PCDHGB2: variants seen among roughly 807,000 people sequenced by gnomAD.
PCDHGB2 encodes the protein protocadherin gamma-B2.
In PCDHGB2, 55 loss-of-function variants were observed where a neutral mutation model predicts 59.3. The ratio of observed to expected loss-of-function variants is 0.93; its 90% confidence interval spans 0.75 to 1.16. PCDHGB2 has a LOEUF of 1.16. Ranked by LOEUF, PCDHGB2 falls within the 50% of genes most tolerant of loss-of-function variation. The probability of loss-of-function intolerance (pLI) is 0.00; values close to 1 mark genes in which losing one functional copy is unlikely to be tolerated. For missense variants in PCDHGB2, 1,228 were observed against 1,198.5 expected, an observed-to-expected ratio of 1.02 and a Z score of -0.36; for synonymous variants, 516 against 512.0, an observed-to-expected ratio of 1.01 and a Z score of -0.11.
intron 1 of PCDHGB2, among the ~76,000 whole-genome samples, chr5:141,387,032 T>C (rs993852019): frequency 6.6e-6 from 1 of 152,202 alleles, no homozygotes; most frequent in Admixed American, 6.5e-5. Context: ...TTGTATTTCA[T>C]AACCAGTAAA....
intron 1 of PCDHGB2, chr5:141,398,904 C>A (rs1487711986): frequency 3.1e-6 from 5 of 1,613,930 alleles, no homozygotes; most frequent in Non-Finnish European, 3.4e-6. Context: ...CACCAGGCAC[C>A]ACTGTGTTGC....
intron 2 of PCDHGB2, among the ~76,000 whole-genome samples, chr5:141,497,393 CT>C (rs1035907100): frequency 2.1e-4 from 32 of 152,254 alleles, no homozygotes; most frequent in African/African-American, 7.5e-4. Context: ...CACCTTACCC[CT>C]GCCTCAACTC....
At chr5:141,418,441 A>T in intron 1 of PCDHGB2, 2 of 1,614,000 alleles carry the variant, frequency 1.2e-6, no homozygotes, top group East Asian at 4.5e-5. Flanking sequence ...ATCCAGAATT[A>T]GTATTGCAGA....
At chr5:141,460,666 C>G (rs1245201344) in intron 1 of PCDHGB2, among the ~76,000 whole-genome samples, 1 of 151,670 alleles carries the variant, frequency 6.6e-6, no homozygotes, top group South Asian at 2.1e-4. Context: ...ACTGTAAACA[C>G]AGTTATATAT....
chr5:141,407,676 T>C (rs990367714), intron 1 of PCDHGB2, among the ~76,000 whole-genome samples: 1 of 152,162 alleles, frequency 6.6e-6, no homozygotes, highest in African/African-American at 2.4e-5. Flanking sequence ...TAAACAAAGA[T>C]TGGCTTTGTG....
rs1187424114 is a variant in PCDHGB2, at chr5:141,485,341, G to A, written c.2422-9466G>A. On this transcript the variant is annotated intron_variant, in intron 1 of 3. Transcript: ENST00000522605. The surrounding 1 kb of genome is among the most constrained non-coding windows in gnomAD (Gnocchi z 5.7). ...TCGCTCAAGATTTCCTGCTGGATAC[G>A]GACAGTCTGTCAGCTCGCAGGCTGC... 2 of 1,614,118 alleles carry A rather than the reference G, an allele frequency of 1.2e-6. No individual in the cohort carries two copies. The highest frequency in any genetic ancestry group is 1.7e-5 in the Admixed American group (1 of 60,018).
In PCDHGB2 at chr5:141,511,035, C is replaced by T. The variant is rs373005862; in HGVS notation, c.2658C>T (p.His886=). Residue 886 remains histidine (H), a synonymous_variant, in exon 4 of 4, where the codon CAC becomes CAT. Transcript: ENST00000522605. ...ACGGACCCCAGTTCACCCTGCAGCA[C>T]GTGCCCGACTACCGCCAGAATGTCT... ...ARYGPQFTLQ[H]VPDYRQNVYI... The T allele has an allele frequency of 1.7e-5, 27 of 1,614,208 alleles. No individual in the cohort carries two copies. The African/African-American group carries it at 2.9e-4, about 18-fold the overall frequency.
intron 1 of PCDHGB2, chr5:141,388,381 C>T (rs370363580): frequency 1.9e-6 from 3 of 1,613,888 alleles, no homozygotes; most frequent in African/African-American, 2.7e-5. Flanking sequence ...GGTAGCAACA[C>T]ACTGCAGAAT....
intron 1 of PCDHGB2, among the ~76,000 whole-genome samples, chr5:141,479,053 A>G (rs534968614): frequency 9.2e-5 from 14 of 152,334 alleles, no homozygotes; most frequent in African/African-American, 3.1e-4. Context: ...TCATTCTCAG[A>G]TAATTTTTTA....
chr5:141,366,257 G>A, intron 1 of PCDHGB2: 1 of 1,613,694 alleles, frequency 6.2e-7, no homozygotes, highest in Middle Eastern at 1.6e-4. Flanking sequence ...GCAGAGCCTC[G>A]TGGTGGCCGT....
chr5:141,421,487 C>G (rs1447180364), intron 1 of PCDHGB2: 2 of 1,614,094 alleles, frequency 1.2e-6, no homozygotes, highest in Non-Finnish European at 1.7e-6. Context: ...AGCTTGATCA[C>G]GGCAGGCAGG....
At chr5:141,475,322 G>A (rs1352768659) in intron 1 of PCDHGB2, among the ~76,000 whole-genome samples, 1 of 152,204 alleles carries the variant, frequency 6.6e-6, no homozygotes, top group African/African-American at 2.4e-5. Flanking sequence ...CTTAAGAAAT[G>A]AGAGCTAACA....
intron 1 of PCDHGB2, chr5:141,383,530 G>A: frequency 6.2e-7 from 1 of 1,612,674 alleles, no homozygotes; most frequent in Non-Finnish European, 8.5e-7. Flanking sequence ...TCACCACCTG[G>A]TCCTCACAGC....
Position 141,462,050 on chromosome 5 carries a change from C to T in PCDHGB2, c.2422-32757C>T, listed in dbSNP as rs146056741. On this transcript the variant is annotated intron_variant, in intron 1 of 3. Coordinates refer to ENST00000522605, the MANE Select transcript of PCDHGB2 (RefSeq NM_018923.3). ...GTTGGTCAGGCGGGTCTTGAACTCC[C>T]GACCTCAGGTGATCTGCCCGCCTTG... is the stretch of plus-strand genomic sequence containing the variant. 5.5e-3 allele frequency among the ~76,000 whole-genome samples: 830 copies of T among 151,978 alleles called. 23 individuals are homozygous for T. The East Asian group carries it at 0.095, about 17-fold the overall frequency.
At chr5:141,392,751 A>T in intron 1 of PCDHGB2, 1 of 1,453,336 alleles carries the variant, frequency 6.9e-7, no homozygotes, top group South Asian at 1.5e-5. Flanking sequence ...CTGCGGCAAG[A>T]AACTAAATAA....
Position 141,485,448 on chromosome 5 carries a change from G to A in PCDHGB2, c.2422-9359G>A. On this transcript the variant is annotated intron_variant, in intron 1 of 3. Coordinates refer to ENST00000522605, the MANE Select transcript of PCDHGB2 (RefSeq NM_018923.3). This position sits in a 1 kb window ranked among gnomAD's most constrained non-coding sequence, Gnocchi z 5.7. ...CTGCTCATCAAGAACCCAATCGACC[G>A]AGAGGCACTGTGTGGGCTCAGTGCC... is the stretch of plus-strand genomic sequence containing the variant. 1 of 1,614,154 alleles carries A rather than the reference G, an allele frequency of 6.2e-7. No homozygotes were observed.
intron 1 of PCDHGB2, chr5:141,419,183 A>G (rs1453963573): frequency 1.9e-6 from 3 of 1,613,958 alleles, no homozygotes; most frequent in Non-Finnish European, 1.7e-6. Context: ...AACCCTGCAC[A>G]TTACTGACGT....
At chr5:141,372,615 C>A (rs1244865693) in intron 1 of PCDHGB2, 1 of 1,613,850 alleles carries the variant, frequency 6.2e-7, no homozygotes, top group African/African-American at 1.3e-5. Context: ...TGGAGTTCTC[C>A]CCACCTACAG....
chr5:141,403,927 G>A, intron 1 of PCDHGB2: 3 of 1,613,852 alleles, frequency 1.9e-6, no homozygotes, highest in East Asian at 2.2e-5. Context: ...AAGATGGTGG[G>A]GGATTGAAAG....
Sources: gnomAD v4.1 joint callset for allele counts (sites outside exome capture counted in the v4.1 genomes callset) on GRCh38, gnomAD v4.1.1 for gene constraint, Gnocchi (gnomAD v3.1) non-coding constraint, MANE v1.5 for transcripts, NCBI Gene and HGNC (gene_info 2026-07-23, HGNC 2026-07-21) for gene names.